The following CNTN3 variants were observed in gnomAD, a reference collection of about 807,000 sequenced individuals.
CNTN3 encodes the protein contactin 3, also known as contactin-3.
CNTN3 carries 60 observed loss-of-function variants against 119.1 expected under a neutral mutation model. The ratio of observed to expected loss-of-function variants is 0.50; its 90% CI spans 0.41 to 0.62. CNTN3 has a LOEUF of 0.62. Among genes scored for constraint, CNTN3 ranks in the 20% least tolerant of loss-of-function variants. The pLI is 0.00. For missense variants in CNTN3, 1,101 were observed against 1,242.4 expected (o/e 0.89, Z 1.71); for synonymous variants, 450 against 438.7 (o/e 1.03, Z -0.32).
At chr3:74,463,733 G>A (rs76339428) in intron 4 of CNTN3, among the ~76,000 whole-genome samples, 3,129 of 152,176 alleles carry the variant, frequency 0.021, 95 homozygotes, top group African/African-American at 0.067. Flanking sequence ...CCAGGTCAAC[G>A]TCTCCTGGAG....
At chr3:74,494,626 C>T (rs1208494216) in intron 3 of CNTN3, among the ~76,000 whole-genome samples, 2 of 152,058 alleles carry the variant, frequency 1.3e-5, no homozygotes, top group Non-Finnish European at 2.9e-5. Flanking sequence ...CAACTATTAA[C>T]AACTTCTGAC....
At chr3:74,456,898 A>G (rs1022691176) in intron 4 of CNTN3, among the ~76,000 whole-genome samples, 2 of 152,152 alleles carry the variant, frequency 1.3e-5, no homozygotes, top group African/African-American at 4.8e-5. Flanking sequence ...GCAAAATAAA[A>G]TCTATTTACC....
intron 20 of CNTN3, among the ~76,000 whole-genome samples, chr3:74,281,051 T>G (rs1294848946): frequency 1.3e-5 from 2 of 152,176 alleles, no homozygotes; most frequent in East Asian, 1.9e-4. Flanking sequence ...TAAAGTGGAA[T>G]GAGCAAGGTG....
chr3:74,537,211 T>G (rs1703778139), intron 1 of CNTN3, among the ~76,000 whole-genome samples: 1 of 152,212 alleles, frequency 6.6e-6, no homozygotes, highest in East Asian at 1.9e-4. Flanking sequence ...CATTTCCACG[T>G]GCATCCTCAC....
chr3:74,608,894 G>A (rs996098162), intron 1 of CNTN3, among the ~76,000 whole-genome samples: 6 of 152,232 alleles, frequency 3.9e-5, no homozygotes, highest in South Asian at 2.1e-4. Flanking sequence ...TTAAATGGTC[G>A]ATTGTAGATA....
At chr3:74,474,556 C>T (rs1374169472) in intron 4 of CNTN3, among the ~76,000 whole-genome samples, 5 of 151,914 alleles carry the variant, frequency 3.3e-5, no homozygotes, top group Admixed American at 2.0e-4. Context: ...TGCAGTGGTA[C>T]GAACTCAGCT....
At chr3:74,527,792 T>C (rs1024768612) in intron 1 of CNTN3, among the ~76,000 whole-genome samples, 4 of 151,946 alleles carry the variant, frequency 2.6e-5, no homozygotes, top group African/African-American at 9.7e-5. Flanking sequence ...GGATGACTAT[T>C]TGTACTTGAC....
intron 21 of CNTN3, 103 bp downstream of exon 21, chr3:74,267,163 C>T: frequency 1.6e-6 from 1 of 636,088 alleles, no homozygotes; most frequent in Non-Finnish European, 2.8e-6. Flanking sequence ...AATTAGATTA[C>T]AGAAACCATA....
intron 9 of CNTN3, among the ~76,000 whole-genome samples, chr3:74,365,072 G>A (rs906458415): frequency 2.6e-5 from 4 of 152,048 alleles, no homozygotes; most frequent in Non-Finnish European, 5.9e-5. Flanking sequence ...AGTATGAAAG[G>A]TTAGGTATGG....
chr3:74,344,825 T>C (rs1439975780), intron 11 of CNTN3, among the ~76,000 whole-genome samples: 1 of 151,684 alleles, frequency 6.6e-6, no homozygotes. Flanking sequence ...ATCTGGGAAA[T>C]CTCTCTGTAG....
chr3:74,469,360 A>G (rs1371754205), intron 4 of CNTN3, among the ~76,000 whole-genome samples: 1 of 152,178 alleles, frequency 6.6e-6, no homozygotes, highest in Non-Finnish European at 1.5e-5. Context: ...TACTAAGTAC[A>G]AAAAATTCCT....
chr3:74,289,025 A>T (rs748346804), intron 19 of CNTN3, among the ~76,000 whole-genome samples: 3 of 152,202 alleles, frequency 2.0e-5, no homozygotes, highest in Non-Finnish European at 4.4e-5. Flanking sequence ...CCTCACTGAG[A>T]TGAGAGAAAG....
chr3:74,357,326 C>T (rs1448747955), intron 11 of CNTN3, among the ~76,000 whole-genome samples: 3 of 151,968 alleles, frequency 2.0e-5, no homozygotes, highest in East Asian at 3.9e-4. Flanking sequence ...TCTTGTTGCC[C>T]AGGCTGGAGT....
At chr3:74,405,964 T>A (rs1204190640) in intron 5 of CNTN3, among the ~76,000 whole-genome samples, 1 of 152,122 alleles carries the variant, frequency 6.6e-6, no homozygotes, top group Non-Finnish European at 1.5e-5. Context: ...TTAGTAAGGA[T>A]ACTGCTTTCT....
intron 1 of CNTN3, among the ~76,000 whole-genome samples, chr3:74,594,893 A>G (rs2106693590): frequency 6.6e-6 from 1 of 152,102 alleles, no homozygotes; most frequent in East Asian, 1.9e-4. Flanking sequence ...CAATGGTTGA[A>G]CTAGTTTACA....
At chr3:74,452,072 G>T (rs939437991) in intron 4 of CNTN3, among the ~76,000 whole-genome samples, 1 of 147,406 alleles carries the variant, frequency 6.8e-6, no homozygotes, top group Non-Finnish European at 1.5e-5. Flanking sequence ...GTAGCTCGAT[G>T]GGGATGGCAT....
chr3:74,512,295 A>AC (rs1178732096), intron 2 of CNTN3, among the ~76,000 whole-genome samples: 8 of 152,126 alleles, frequency 5.3e-5, no homozygotes, highest in African/African-American at 1.7e-4. Context: ...CGTTATCTTC[A>AC]TGGTAGTTGT....
chr3:74,587,237 T>A (rs770677620), intron 1 of CNTN3, among the ~76,000 whole-genome samples: 1 of 152,014 alleles, frequency 6.6e-6, no homozygotes, highest in Non-Finnish European at 1.5e-5. Context: ...GAGTTCAACA[T>A]CAGGGCTTAT....
At chr3:74,426,966 T>C (rs1701704948) in intron 4 of CNTN3, among the ~76,000 whole-genome samples, 1 of 152,246 alleles carries the variant, frequency 6.6e-6, no homozygotes, top group South Asian at 2.1e-4. Flanking sequence ...AGTGTGGATG[T>C]TTTCTATCAC....
Sources: allele counts gnomAD v4.1 joint callset (sites outside exome capture counted in the v4.1 genomes callset), GRCh38; gene constraint gnomAD v4.1.1; transcripts MANE v1.5; gene names NCBI Gene and HGNC (gene_info 2026-07-23, HGNC 2026-07-21).